Variants in NAV2 observed in about 807,000 individuals in gnomAD.
The protein encoded by NAV2 is helicase, APC down-regulated 1.
A neutral mutation model predicts 223.2 loss-of-function variants in NAV2; 54 were observed. The observed-to-expected ratio is 0.24, with a 90% confidence interval of 0.19 to 0.30. The LOEUF (loss-of-function observed/expected upper bound fraction) is 0.30, where lower values mean the gene tolerates loss of function less well. NAV2 is among the 10% of genes least tolerant of loss of function. The probability of loss-of-function intolerance (pLI) is 1.00; values close to 1 mark genes in which losing one functional copy is unlikely to be tolerated. For synonymous variants in NAV2, 1,279 were observed against 1,239.3 expected (o/e 1.03, Z -0.67); for missense variants, 2,806 against 3,147.5 (o/e 0.89, Z 2.60).
At chr11:19,616,047 T>G (rs1279079227) in intron 1 of NAV2, among the ~76,000 whole-genome samples, 1 of 152,050 alleles carries the variant, frequency 6.6e-6, no homozygotes, top group Non-Finnish European at 1.5e-5. Context: ...GCCACACAGC[T>G]CAGGGGCATT....
intron 1 of NAV2, among the ~76,000 whole-genome samples, chr11:19,512,761 T>C (rs1480764480): frequency 6.6e-6 from 1 of 152,168 alleles, no homozygotes; most frequent in Non-Finnish European, 1.5e-5. Flanking sequence ...TTCCCAGCAG[T>C]GTGTTTTCAT....
intron 11 of NAV2, chr11:20,027,596 C>A: frequency 2.9e-6 from 1 of 344,186 alleles, no homozygotes; most frequent in Non-Finnish European, 4.1e-6. Context: ...GAAGCAGACC[C>A]AGCCTTTGGA....
intron 6 of NAV2, among the ~76,000 whole-genome samples, chr11:19,893,436 G>T (rs113031110): frequency 6.6e-6 from 1 of 152,032 alleles, no homozygotes; most frequent in Non-Finnish European, 1.5e-5. Context: ...GGCTGTCTAC[G>T]TGGTGTTTCT....
intron 1 of NAV2, among the ~76,000 whole-genome samples, chr11:19,760,631 T>A (rs1343737782): frequency 3.3e-5 from 5 of 152,180 alleles, no homozygotes; most frequent in African/African-American, 4.8e-5. Flanking sequence ...TATCTTCATG[T>A]TATGCAAACG....
chr11:19,887,971 A>G (rs2041162648), intron 5 of NAV2, among the ~76,000 whole-genome samples: 1 of 149,828 alleles, frequency 6.7e-6, no homozygotes. Context: ...TGCCATCAGC[A>G]CGTACATCGC....
Position 19,933,085 on chromosome 11 carries a change from G to A in NAV2, c.932-91G>A. On this transcript the variant is annotated intron_variant, in intron 6 of 37. Transcript: ENST00000349880. The surrounding 1 kb of genome is among the most constrained non-coding windows in gnomAD (Gnocchi z 4.3). Reference sequence around the variant, plus strand: ...GAGCTATACGGCATTTGGGTTGGGAGTGATTGGTTGTGTGGCCATGGCTGA... The same window carrying A: ...GAGCTATACGGCATTTGGGTTGGGAATGATTGGTTGTGTGGCCATGGCTGA... 7.0e-7 allele frequency: 1 copy of A among 1,421,366 alleles called. No homozygotes were observed. Among genetic ancestry groups the A allele is most frequent in the Admixed American group, 2.5e-5 (1 of 40,304 alleles). 88.0% of individuals were successfully genotyped at this position (1,421,366 alleles called of 1,614,324 possible). A position where few individuals can be genotyped will look rare whatever the true frequency, so the allele number is the denominator to read the frequency against.
At chr11:19,631,011 G>A (rs2047329006) in intron 1 of NAV2, among the ~76,000 whole-genome samples, 3 of 147,398 alleles carry the variant, frequency 2.0e-5, no homozygotes, top group Admixed American at 2.0e-4. Flanking sequence ...GCAGTGTTTT[G>A]TTTTGTTTTT....
intron 34 of NAV2, 97 bp from the exon 35 acceptor site, chr11:20,105,434 A>G (rs2061959725): frequency 2.1e-6 from 2 of 964,248 alleles, no homozygotes; most frequent in African/African-American, 1.6e-5. Flanking sequence ...TTGCATTAGC[A>G]TATACACCTT....
chr11:19,991,185 A>G (rs187293332), intron 11 of NAV2, among the ~76,000 whole-genome samples: 177 of 152,236 alleles, frequency 1.2e-3, no homozygotes, highest in African/African-American at 4.2e-3. Flanking sequence ...CTGGAGTGCA[A>G]TGGCATGATC....
intron 1 of NAV2, among the ~76,000 whole-genome samples, chr11:19,393,824 T>C (rs1849337326): frequency 6.6e-6 from 1 of 152,038 alleles, no homozygotes; most frequent in Admixed American, 6.5e-5. Flanking sequence ...AAATTTGAAA[T>C]GTACTGGCTG....
At chr11:20,077,417 G>A (rs1318792224) in intron 22 of NAV2, 135 bp from the exon 23 acceptor site, 2 of 627,214 alleles carry the variant, frequency 3.2e-6, no homozygotes, top group East Asian at 5.5e-5. Context: ...GTGGTGGGGA[G>A]TGGGATTCAA....
chr11:19,589,726 C>T (rs1237989715), intron 1 of NAV2, among the ~76,000 whole-genome samples: 3 of 152,202 alleles, frequency 2.0e-5, no homozygotes, highest in African/African-American at 7.2e-5. Flanking sequence ...GGCCTAGAAG[C>T]CGATCAGCCA....
intron 1 of NAV2, among the ~76,000 whole-genome samples, chr11:19,352,408 C>T (rs548936151): frequency 2.9e-4 from 44 of 152,304 alleles, no homozygotes; most frequent in African/African-American, 1.0e-3. Flanking sequence ...GCTGGTACAG[C>T]AAGATAATAT....
intron 1 of NAV2, among the ~76,000 whole-genome samples, chr11:19,662,747 C>T (rs2048319557): frequency 6.6e-6 from 1 of 152,220 alleles, no homozygotes; most frequent in South Asian, 2.1e-4. Flanking sequence ...ATAGTAGCAC[C>T]TGCCTGTCTC....
chr11:19,564,253 C>T (rs2045194432), intron 1 of NAV2, among the ~76,000 whole-genome samples: 1 of 152,188 alleles, frequency 6.6e-6, no homozygotes, highest in Non-Finnish European at 1.5e-5. Flanking sequence ...GAGGGTGGGG[C>T]GCTCTCTGGG....
intron 1 of NAV2, among the ~76,000 whole-genome samples, chr11:19,375,879 C>T (rs529632526): frequency 2.0e-5 from 3 of 151,964 alleles, no homozygotes; most frequent in Non-Finnish European, 2.9e-5. Flanking sequence ...ACACAAGATT[C>T]GTTTTTTATT....
At chr11:19,362,524 C>T (rs1048285447) in intron 1 of NAV2, among the ~76,000 whole-genome samples, 32 of 152,160 alleles carry the variant, frequency 2.1e-4, no homozygotes, top group African/African-American at 7.2e-4. Flanking sequence ...TGTTGTATAC[C>T]ACCAGGAGTA....
At chr11:19,961,482 G>C (rs2048348479) in intron 10 of NAV2, among the ~76,000 whole-genome samples, 1 of 152,206 alleles carries the variant, frequency 6.6e-6, no homozygotes, top group Non-Finnish European at 1.5e-5. Context: ...AAGGCTATGT[G>C]TGCCTGTGCT....
At chr11:19,444,280 G>C (rs1564940435) in intron 1 of NAV2, among the ~76,000 whole-genome samples, 1 of 152,116 alleles carries the variant, frequency 6.6e-6, no homozygotes, top group Non-Finnish European at 1.5e-5. Context: ...TGTTGTTTGT[G>C]GTAGAAATGG....
Sources: allele counts gnomAD v4.1 joint callset (sites outside exome capture counted in the v4.1 genomes callset), GRCh38; gene constraint gnomAD v4.1.1; non-coding constraint Gnocchi (gnomAD v3.1); transcripts MANE v1.5; gene names NCBI Gene and HGNC (gene_info 2026-07-23, HGNC 2026-07-21).